Variants in CIP2A observed in about 807,000 individuals in gnomAD.
CIP2A encodes the protein cellular inhibitor of PP2A, also known as protein CIP2A.
In CIP2A, 103 loss-of-function variants were observed where a neutral mutation model predicts 110.9. The observed-to-expected ratio is 0.93, with a 90% confidence interval of 0.79 to 1.09. The LOEUF (loss-of-function observed/expected upper bound fraction) is 1.09, where lower values mean the gene tolerates loss of function less well. Ranked by LOEUF, CIP2A falls within the 50% of genes least tolerant of loss-of-function variation. CIP2A has a pLI of 0.00. For synonymous variants in CIP2A, 381 were observed against 361.6 expected, an observed-to-expected ratio of 1.05 and a Z score of -0.61; for missense variants, 1,088 against 1,038.4, an observed-to-expected ratio of 1.05 and a Z score of -0.66.
Position 108,552,175 on chromosome 3 carries a change from C to T in CIP2A, c.2547+59G>A. 4 of 1,383,330 alleles carry T rather than the reference C, an allele frequency of 2.9e-6. No homozygotes were observed. In the South Asian group the frequency reaches 4.1e-5, roughly 14 times the overall value. The allele number at this position is 1,383,330 out of a possible 1,614,324, so 85.7% of individuals were successfully genotyped here. ...CAGTACATTCCTTTATCCATATTCA[C>T]CCTTTTCACAACAGACTTTTTTATT... is the stretch of plus-strand genomic sequence containing the variant. On this transcript the variant is annotated intron_variant, in intron 20 of 20. Transcript: ENST00000295746.
intron 3 of CIP2A, among the ~76,000 whole-genome samples, chr3:108,582,413 T>C (rs1465997346): frequency 6.6e-6 from 1 of 152,212 alleles, no homozygotes; most frequent in Non-Finnish European, 1.5e-5. Flanking sequence ...GTTATCAACC[T>C]TGTTCACTTA....
rs1355183037 is a variant in CIP2A, at chr3:108,559,880, A to G, written c.1903-13T>C. 8 of 1,598,338 alleles carry G rather than the reference A, an allele frequency of 5.0e-6. No homozygotes were observed. In the Admixed American group the frequency reaches 1.4e-4, roughly 27 times the overall value. On this transcript the variant is annotated splice_polypyrimidine_tract_variant and intron_variant, in intron 15 of 20. Coordinates refer to ENST00000295746, the MANE Select transcript of CIP2A (RefSeq NM_020890.3). ...TGCTTTCTTTGGACTACAAGAAAAC[A>G]TATCATTAATTTTCATTTTAGGAAT...
intron 7 of CIP2A, 59 bp from the exon 8 acceptor site, chr3:108,576,405 G>T: frequency 1.1e-6 from 1 of 872,324 alleles, no homozygotes; most frequent in Non-Finnish European, 1.8e-6. Context: ...ACATCAAAAG[G>T]GATTTATCTA....
At chr3:108,577,036 T>C (rs965607718) in intron 7 of CIP2A, among the ~76,000 whole-genome samples, 6 of 152,008 alleles carry the variant, frequency 3.9e-5, no homozygotes, top group Admixed American at 3.3e-4. Context: ...AAAACAAAAA[T>C]AGAAGTTAGG....
chr3:108,589,425 G>C lies in CIP2A; in HGVS notation c.-50C>G, dbSNP rs746629149. ...GGACCACCACCGCCCAGCGTGCGCCGGCCTTTAGCTTTCGCCGCGCTTTTT... is the reference window on the plus strand; with the variant it reads ...GGACCACCACCGCCCAGCGTGCGCCCGCCTTTAGCTTTCGCCGCGCTTTTT... On this transcript the variant is annotated 5_prime_UTR_variant, in exon 1 of 21. Transcript: ENST00000295746. 2.2e-6 allele frequency: 3 copies of C among 1,364,284 alleles called. No homozygotes were observed. Among genetic ancestry groups the C allele is most frequent in the South Asian group, 2.5e-5 (2 of 80,656 alleles). 84.5% of individuals were successfully genotyped at this position (1,364,284 alleles called of 1,614,324 possible).
rs192260460 is a variant in CIP2A at position 108,585,484 on chromosome 3, G to T, written c.103-272C>A. ...TTTCTTATACCATCTCAGTTCGGTCGGCCTATTATGCTATCCTATAGTACA... is the reference window on the plus strand; with the variant it reads ...TTTCTTATACCATCTCAGTTCGGTCTGCCTATTATGCTATCCTATAGTACA... On this transcript the variant is annotated intron_variant, in intron 1 of 20. Transcript: ENST00000295746. Among the ~76,000 whole-genome samples the T allele has an allele frequency of 3.3e-5, 5 of 152,090 alleles. No homozygotes were observed. In the East Asian group the frequency reaches 9.6e-4, roughly 29 times the overall value.
chr3:108,576,220 G>C (rs16854713), intron 8 of CIP2A, 51 bp downstream of exon 8: 47 of 1,146,348 alleles, frequency 4.1e-5, no homozygotes, highest in South Asian at 3.5e-4. Flanking sequence ...TAAAAGTTTC[G>C]GCATTTTGCA....
chr3:108,571,992 T>A (rs79423008), intron 8 of CIP2A, among the ~76,000 whole-genome samples: 2,387 of 152,256 alleles, frequency 0.016, 39 homozygotes, highest in Admixed American at 0.03. Flanking sequence ...AATCACTTCA[T>A]GTTTATTGAC....
At position 108,576,159 on chromosome 3, in the gene CIP2A, T is replaced by C. The variant is rs368263283; in HGVS notation, c.894+112A>G. Reference sequence around the variant, plus strand: ...TGGCTACATAATTGTGTCCCTATTATAAAAATACAGAAATCTGTGCATTTG... The same window carrying C: ...TGGCTACATAATTGTGTCCCTATTACAAAAATACAGAAATCTGTGCATTTG... On this transcript the variant is annotated intron_variant, in intron 8 of 20. Coordinates refer to ENST00000295746, the MANE Select transcript of CIP2A (RefSeq NM_020890.3). 39 of 607,286 alleles carry C rather than the reference T, an allele frequency of 6.4e-5. 2 individuals carry two copies. The highest frequency in any genetic ancestry group is 4.0e-4 in the South Asian group (17 of 42,344). 37.6% of individuals were successfully genotyped at this position (607,286 alleles called of 1,614,324 possible).
rs748327639 is a variant in CIP2A, at chr3:108,585,138, A to G, written c.177T>C (p.Leu59=). 5 of 1,613,458 alleles carry G rather than the reference A, an allele frequency of 3.1e-6. No individual in the cohort carries two copies. Among genetic ancestry groups the G allele is most frequent in the Non-Finnish European group, 3.4e-6 (4 of 1,179,580 alleles). ...TGTTGGGGTCTTCAAGTAGCTCTAC[A>G]AGGCAACTCAAGCATTCACTTGTTA... ...QILTSECLSC[L]VELLEDPNIS... The change falls in exon 2 of 21, where the codon CTT becomes CTC. Residue 59 remains leucine, a synonymous_variant. Coordinates refer to ENST00000295746, the MANE Select transcript of CIP2A (RefSeq NM_020890.3).
rs979261439 is a variant in CIP2A, at chr3:108,576,453, C to T, written c.819-107G>A. ...AAAATTTATGTGTATTTTCTTTCAT[C>T]TATTTATTTGGGCTTCTAATATAGA... On this transcript the variant is annotated intron_variant, in intron 7 of 20. Coordinates refer to ENST00000295746, the MANE Select transcript of CIP2A (RefSeq NM_020890.3). 21 of 586,386 alleles carry T rather than the reference C, an allele frequency of 3.6e-5. No individual in the cohort carries two copies. In the Admixed American group the frequency reaches 7.2e-4, roughly 20 times the overall value. 36.3% of individuals were successfully genotyped at this position (586,386 alleles called of 1,614,324 possible).
In CIP2A at chr3:108,589,413, C is replaced by A. The variant is rs1939239816; in HGVS notation, c.-38G>T. 2 of 1,456,686 alleles carry A rather than the reference C, an allele frequency of 1.4e-6. No homozygotes were observed. Among genetic ancestry groups the A allele is most frequent in the East Asian group, 4.7e-5 (2 of 42,502 alleles). The allele number at this position is 1,456,686 out of a possible 1,614,324, so 90.2% of individuals were successfully genotyped here. A position where few individuals can be genotyped will look rare whatever the true frequency, so the allele number is the denominator to read the frequency against. ...GGCCCGGCTTAGGGACCACCACCGC[C>A]CAGCGTGCGCCGGCCTTTAGCTTTC... On this transcript the variant is annotated 5_prime_UTR_variant, in exon 1 of 21. Transcript: ENST00000295746.
chr3:108,589,411 G>T lies in CIP2A; in HGVS notation c.-36C>A, dbSNP rs756436245. ...GCGGCCCGGCTTAGGGACCACCACC[G>T]CCCAGCGTGCGCCGGCCTTTAGCTT... On this transcript the variant is annotated 5_prime_UTR_variant, in exon 1 of 21. Transcript: ENST00000295746. 3 of 1,470,204 alleles carry T rather than the reference G, an allele frequency of 2.0e-6. No individual in the cohort carries two copies. The highest frequency in any genetic ancestry group is 2.8e-6 in the Non-Finnish European group (3 of 1,060,558). The allele number at this position is 1,470,204 out of a possible 1,614,324, so 91.1% of individuals were successfully genotyped here.
chr3:108,559,230 T>C (rs13069780), intron 16 of CIP2A, among the ~76,000 whole-genome samples: 56,292 of 151,938 alleles, frequency 0.37, 11,122 homozygotes, highest in East Asian at 0.53. Flanking sequence ...TGAATAATTA[T>C]AGGAGGTAAA....
At chr3:108,563,662 A>C (rs1938083141) in intron 12 of CIP2A, among the ~76,000 whole-genome samples, 1 of 152,106 alleles carries the variant, frequency 6.6e-6, no homozygotes, top group Middle Eastern at 3.2e-3. Flanking sequence ...AAATTAGAAC[A>C]TTTAAATTTA....
At chr3:108,585,358 C>T (rs909323658) in intron 1 of CIP2A, 146 bp from the exon 2 acceptor site, 14 of 668,218 alleles carry the variant, frequency 2.1e-5, no homozygotes, top group Non-Finnish European at 9.9e-6. Flanking sequence ...AAATTCACCC[C>T]TGCCTAGAGT....
At position 108,557,221 on chromosome 3, in the gene CIP2A, TGAA is replaced by T. The variant is rs1937838411; in HGVS notation, c.2204_2206del (p.Leu735del). On this transcript the variant is annotated inframe_deletion, in exon 17 of 21. Transcript: ENST00000295746. ...CAGAAGATTTTACTTTATTTACCTCTGAAGAAGTTCCATGTAGGATTTTGTCAG... is the reference window on the plus strand; with the variant it reads ...CAGAAGATTTTACTTTATTTACCTCTGAAGTTCCATGTAGGATTTTGTCAG... The T allele has an allele frequency of 6.3e-7, 1 of 1,579,604 alleles. No individual in the cohort carries two copies.
intron 20 of CIP2A, among the ~76,000 whole-genome samples, 190 bp from the exon 21 acceptor site, chr3:108,551,509 A>G (rs894971429): frequency 1.3e-5 from 2 of 152,194 alleles, no homozygotes; most frequent in African/African-American, 4.8e-5. Context: ...ATTAAACAAT[A>G]TAATACAAAT....
In CIP2A at chr3:108,552,214, GA is replaced by G; in HGVS notation, c.2547+19del. On this transcript the variant is annotated intron_variant, in intron 20 of 20. Transcript: ENST00000295746. ...GACTTTTTTATTTTACTGCAAATGA[GA>G]AATGGAACAGATTCTTACCTTAATG... 6.5e-7 allele frequency: 1 copy of G among 1,539,904 alleles called. No individual in the cohort carries two copies.
Sources: allele counts gnomAD v4.1 joint callset (sites outside exome capture counted in the v4.1 genomes callset), GRCh38; gene constraint gnomAD v4.1.1; transcripts MANE v1.5; gene names NCBI Gene and HGNC (gene_info 2026-07-23, HGNC 2026-07-21).